Variants in EFR3B observed in about 807,000 individuals in gnomAD.
EFR3B encodes protein EFR3 homolog B.
EFR3B carries 64 observed loss-of-function variants against 104.7 expected under a neutral mutation model. The observed-to-expected ratio is 0.61, with a 90% CI of 0.50 to 0.75. EFR3B has a LOEUF of 0.75. Among genes scored for constraint, EFR3B ranks in the 30% least tolerant of loss-of-function variants. The pLI, the probability that EFR3B is intolerant of heterozygous loss-of-function variation, is 0.00. For synonymous variants in EFR3B, 385 were observed against 417.9 expected, an observed-to-expected ratio of 0.92 and a Z score of 0.96; for missense variants, 750 against 1,078.5, an observed-to-expected ratio of 0.70 and a Z score of 4.27.
At chr2:25,079,025 T>C (rs1020686558) in intron 1 of EFR3B, among the ~76,000 whole-genome samples, 1 of 152,010 alleles carries the variant, frequency 6.6e-6, no homozygotes, top group Non-Finnish European at 1.5e-5. Context: ...AGACACAGAG[T>C]GTTCCAGGAG....
Position 25,042,173 on chromosome 2 carries a change from GTCT to G in EFR3B, c.-139_-137del. 8 of 845,320 alleles carry G rather than the reference GTCT, an allele frequency of 9.5e-6. No individual in the cohort carries two copies. The highest frequency in any genetic ancestry group is 1.2e-5 in the Non-Finnish European group (8 of 646,784). The allele number at this position is 845,320 out of a possible 1,614,324, so 52.4% of individuals were successfully genotyped here. A position where few individuals can be genotyped will look rare whatever the true frequency, so the allele number is the denominator to read the frequency against. On this transcript the variant is annotated 5_prime_UTR_variant, in exon 1 of 23. Transcript: ENST00000403714. The surrounding 1 kb of genome is among the most constrained non-coding windows in gnomAD (Gnocchi z 5.4). The stretch of plus-strand genomic sequence containing the variant: ...CGTCCTGCCCGCGGCCGGCCCCCGC[GTCT>G]GCTCCCTCCCCGCCCGGGCCCCTGT...
Position 25,137,330 on chromosome 2 carries a change from C to T in EFR3B, c.1561-11C>T, listed in dbSNP as rs1200363103. On this transcript the variant is annotated splice_polypyrimidine_tract_variant and intron_variant, in intron 14 of 22. Transcript: ENST00000403714. This position sits in a 1 kb window ranked among gnomAD's most constrained non-coding sequence, Gnocchi z 4.7. ...CTCCGACCCTGGCCTTCTGCCCGCT[C>T]CTGTCCCCAGCACTCCCAGCAGCTC... 13 of 1,551,880 alleles carry T rather than the reference C, an allele frequency of 8.4e-6. No homozygotes were observed. The highest frequency in any genetic ancestry group is 2.4e-5 in the East Asian group (1 of 40,922).
At chr2:25,053,585 C>T (rs1667940662) in intron 1 of EFR3B, among the ~76,000 whole-genome samples, 1 of 152,138 alleles carries the variant, frequency 6.6e-6, no homozygotes, top group Admixed American at 6.5e-5. Flanking sequence ...AGCTTCTGCT[C>T]TTCTGATGGT....
chr2:25,103,629 C>T lies in EFR3B; in HGVS notation c.213-8C>T. On this transcript the variant is annotated splice_polypyrimidine_tract_variant and splice_region_variant and intron_variant, in intron 3 of 22. Coordinates refer to ENST00000403714, the MANE Select transcript of EFR3B (RefSeq NM_014971.2). ...GCGGCCAGTGACGGCATGTGCTGCC[C>T]TCCCCAGGTACGTGTGCATTGCTAT... 1 of 1,546,332 alleles carries T rather than the reference C, an allele frequency of 6.5e-7. No homozygotes were observed.
intron 4 of EFR3B, among the ~76,000 whole-genome samples, chr2:25,117,563 G>A (rs533425733): frequency 3.9e-5 from 6 of 152,072 alleles, no homozygotes; most frequent in Admixed American, 2.6e-4. Context: ...ATAGGCATGC[G>A]CCACCAAGCC....
chr2:25,152,179 A>G (rs1341813365), intron 21 of EFR3B, among the ~76,000 whole-genome samples, 159 bp downstream of exon 21: 1 of 137,938 alleles, frequency 7.2e-6, no homozygotes, highest in African/African-American at 2.8e-5. Context: ...CAATGCAGGG[A>G]GCTCCGCTGT....
chr2:25,067,426 G>GTTTTTTTTTTTTTGT (rs1668367354), intron 1 of EFR3B, among the ~76,000 whole-genome samples: 1 of 142,790 alleles, frequency 7.0e-6, no homozygotes. Flanking sequence ...TTTAGTTTTT[G>GTTTTTTTTTTTTTGT]TTTTTTTTTT....
chr2:25,091,610 T>G (rs1669125139), intron 2 of EFR3B, among the ~76,000 whole-genome samples: 1 of 152,172 alleles, frequency 6.6e-6, no homozygotes, highest in African/African-American at 2.4e-5. Flanking sequence ...GATGAGGGCA[T>G]TTGGATCTGC....
chr2:25,061,947 ATTTATTTTTACTTTAT>A (rs1668210611), intron 1 of EFR3B, among the ~76,000 whole-genome samples: 1 of 152,142 alleles, frequency 6.6e-6, no homozygotes, highest in South Asian at 2.1e-4. Flanking sequence ...TTTTCTTTTA[ATTTATTTTTACTTTAT>A]TTTATTTTTT....
intron 1 of EFR3B, among the ~76,000 whole-genome samples, chr2:25,059,572 C>CGGGGG (rs56219617): frequency 1.7e-5 from 1 of 60,214 alleles, no homozygotes; most frequent in Non-Finnish European, 3.3e-5. Flanking sequence ...CCAGGGACTG[C>CGGGGG]GGGGGGGGGG....
chr2:25,046,207 GA>G (rs1162337869), intron 1 of EFR3B, among the ~76,000 whole-genome samples: 12 of 152,200 alleles, frequency 7.9e-5, no homozygotes, highest in Admixed American at 2.0e-4. Context: ...CCAACATGGT[GA>G]AACCCCGTCT....
At position 25,115,801 on chromosome 2, in the gene EFR3B, G is replaced by A. The variant is rs1669842684; in HGVS notation, c.364-5872G>A. On this transcript the variant is annotated intron_variant, in intron 4 of 22. Coordinates refer to ENST00000403714, the MANE Select transcript of EFR3B (RefSeq NM_014971.2). Reference sequence around the variant, plus strand: ...GAGACAGCTAACACTGACGTGTTAAGCAGTGAGTGCCACAGAAATATTTAC... The same window carrying A: ...GAGACAGCTAACACTGACGTGTTAAACAGTGAGTGCCACAGAAATATTTAC... Among the ~76,000 whole-genome samples, 3 of 152,364 alleles carry A rather than the reference G, an allele frequency of 2.0e-5. No homozygotes were observed. In the South Asian group the frequency reaches 6.2e-4, roughly 32 times the overall value.
At chr2:25,145,333 G>A (rs984582442) in intron 19 of EFR3B, 2 of 518,866 alleles carry the variant, frequency 3.9e-6, no homozygotes, top group African/African-American at 3.8e-5. Flanking sequence ...ACATTTTGGA[G>A]GCTGAGGCAG....
At chr2:25,067,203 C>T (rs1435223810) in intron 1 of EFR3B, among the ~76,000 whole-genome samples, 1 of 152,074 alleles carries the variant, frequency 6.6e-6, no homozygotes, top group African/African-American at 2.4e-5. Context: ...TTGGGTAGTG[C>T]AGTTTAAGTC....
Position 25,121,676 on chromosome 2 carries a change from G to C in EFR3B, c.367G>C (p.Val123Leu), listed in dbSNP as rs1173000911. The C allele has an allele frequency of 1.9e-6, 3 of 1,551,696 alleles. No individual in the cohort carries two copies. The highest frequency in any genetic ancestry group is 2.6e-6 in the Non-Finnish European group (3 of 1,146,986). ...NLQILGTNSF[V>L]KFANIEEDTP... is the part of the protein sequence containing the mutation. ...TTCTCTCCTTCCTCCCTGATAGTTT[G>C]TGAAGTTTGCCAACATCGAGGAGGA... is the stretch of plus-strand genomic sequence containing the variant. Residue 123 changes from valine to leucine, a missense_variant, in exon 5 of 23, where the codon GTG (valine) becomes CTG (leucine). Transcript: ENST00000403714.
At chr2:25,057,399 G>A (rs2149167021) in intron 1 of EFR3B, among the ~76,000 whole-genome samples, 1 of 150,878 alleles carries the variant, frequency 6.6e-6, no homozygotes, top group Admixed American at 6.6e-5. Context: ...AGCTCGTTAA[G>A]TGGCATGGCT....
intron 1 of EFR3B, among the ~76,000 whole-genome samples, chr2:25,070,589 T>C (rs888875321): frequency 6.6e-6 from 1 of 152,094 alleles, no homozygotes; most frequent in Admixed American, 6.6e-5. Context: ...AAAATTCAAA[T>C]CTGGAGGAGC....
intron 17 of EFR3B, among the ~76,000 whole-genome samples, chr2:25,142,473 G>A (rs577005599): frequency 1.2e-4 from 18 of 147,886 alleles, no homozygotes; most frequent in Admixed American, 2.7e-4. Context: ...AAATTAGGCC[G>A]GTCACAGTGG....
At chr2:25,116,913 T>G (rs1470846613) in intron 4 of EFR3B, among the ~76,000 whole-genome samples, 1 of 152,122 alleles carries the variant, frequency 6.6e-6, no homozygotes, top group Non-Finnish European at 1.5e-5. Context: ...AAATTTGATT[T>G]TAATGTCAAT....
Sources: gnomAD v4.1 joint callset for allele counts (sites outside exome capture counted in the v4.1 genomes callset) on GRCh38, gnomAD v4.1.1 for gene constraint, Gnocchi (gnomAD v3.1) non-coding constraint, MANE v1.5 for transcripts, NCBI Gene and HGNC (gene_info 2026-07-23, HGNC 2026-07-21) for gene names.